NDST3: variants seen among roughly 807,000 people sequenced by gnomAD.
NDST3 encodes the protein bifunctional heparan sulfate N-deacetylase/N-sulfotransferase 3.
A neutral mutation model predicts 96.1 loss-of-function variants in NDST3; 58 were observed. The observed-to-expected ratio is 0.60, with a 90% CI of 0.49 to 0.75. NDST3 has a LOEUF of 0.75. Ranked by LOEUF, NDST3 falls within the 30% of genes least tolerant of loss-of-function variation. The pLI, the probability that NDST3 is intolerant of heterozygous loss-of-function variation, is 0.00. For synonymous variants in NDST3, 333 were observed against 359.7 expected, an observed-to-expected ratio of 0.93 and a Z score of 0.84; for missense variants, 788 against 1,034.2, an observed-to-expected ratio of 0.76 and a Z score of 3.27.
At chr4:118,157,022 A>G (rs1578740638) in intron 6 of NDST3, among the ~76,000 whole-genome samples, 2 of 152,188 alleles carry the variant, frequency 1.3e-5, no homozygotes, top group African/African-American at 4.8e-5. Context: ...TCAGTTATTC[A>G]TTACCGGATT....
chr4:118,163,971 A>G lies in NDST3; in HGVS notation c.1539+20287A>G, dbSNP rs569966737. Among the ~76,000 whole-genome samples the G allele has an allele frequency of 2.0e-5, 3 of 152,270 alleles. No individual in the cohort carries two copies. The South Asian group carries it at 6.2e-4, about 32-fold the overall frequency. ...TCAAACACCTAAAGACAGAACTACCATTTGATCCAGCAATCCCATTACTAG... is the reference window on the plus strand; with the variant it reads ...TCAAACACCTAAAGACAGAACTACCGTTTGATCCAGCAATCCCATTACTAG... On this transcript the variant is annotated intron_variant, in intron 6 of 13. Transcript: ENST00000296499.
chr4:118,148,491 C>A (rs1031404562), intron 6 of NDST3, among the ~76,000 whole-genome samples: 1 of 152,114 alleles, frequency 6.6e-6, no homozygotes. Flanking sequence ...ATACTTCCAC[C>A]ATACCCTACA....
chr4:118,081,604 A>AT (rs1262096497), intron 2 of NDST3, among the ~76,000 whole-genome samples: 1 of 152,170 alleles, frequency 6.6e-6, no homozygotes, highest in African/African-American at 2.4e-5. Flanking sequence ...AGCAGCATCC[A>AT]GAGGCAAAGG....
intron 13 of NDST3, among the ~76,000 whole-genome samples, chr4:118,254,549 T>C (rs1741994307): frequency 6.6e-6 from 1 of 152,132 alleles, no homozygotes; most frequent in South Asian, 2.1e-4. Context: ...ATACCCCACA[T>C]TTTTACTTTA....
intron 6 of NDST3, among the ~76,000 whole-genome samples, chr4:118,160,881 T>C (rs1735063924): frequency 6.6e-6 from 1 of 152,152 alleles, no homozygotes; most frequent in African/African-American, 2.4e-5. Context: ...GTCAAAGTCA[T>C]TCTCCGTCCA....
At chr4:118,228,211 ATACT>A (rs757623235) in intron 8 of NDST3, among the ~76,000 whole-genome samples, 8 of 152,356 alleles carry the variant, frequency 5.3e-5, no homozygotes, top group Admixed American at 1.3e-4. Context: ...AACATGACAA[ATACT>A]TACATTTTTC....
intron 6 of NDST3, among the ~76,000 whole-genome samples, chr4:118,183,014 C>CCAAACAAA (rs759383568): frequency 6.6e-6 from 1 of 152,094 alleles, no homozygotes; most frequent in Non-Finnish European, 1.5e-5. Flanking sequence ...ACTACTCATA[C>CCAAACAAA]CAAACAAACA....
At chr4:118,063,305 T>C (rs1726050723) in intron 2 of NDST3, among the ~76,000 whole-genome samples, 1 of 152,078 alleles carries the variant, frequency 6.6e-6, no homozygotes, top group Non-Finnish European at 1.5e-5. Context: ...CACACTGTAG[T>C]AGCAGAAGAA....
chr4:118,122,084 G>A (rs115256772), intron 4 of NDST3, among the ~76,000 whole-genome samples: 1,957 of 152,052 alleles, frequency 0.013, 35 homozygotes, highest in African/African-American at 0.044. Flanking sequence ...TAACTTAAAC[G>A]ATTTCATAAA....
chr4:118,083,723 T>G lies in NDST3; in HGVS notation c.982-21295T>G, dbSNP rs144556324. Among the ~76,000 whole-genome samples the G allele has an allele frequency of 6.6e-5, 10 of 152,274 alleles. No homozygotes were observed. The East Asian group carries it at 1.9e-3, about 29-fold the overall frequency. The stretch of plus-strand genomic sequence containing the variant: ...TGCTTTCATGTATTATTTCATTCCT[T>G]CTTAACAGCATTCTCATAAAGAATG... On this transcript the variant is annotated intron_variant, in intron 2 of 13. Transcript: ENST00000296499.
chr4:118,076,522 T>G (rs183113852), intron 2 of NDST3, among the ~76,000 whole-genome samples: 1 of 152,192 alleles, frequency 6.6e-6, no homozygotes, highest in Middle Eastern at 3.2e-3. Flanking sequence ...TTTATCTGAC[T>G]GAGTTAATTA....
chr4:118,250,489 T>TC (rs1741623040), intron 12 of NDST3, among the ~76,000 whole-genome samples: 1 of 145,378 alleles, frequency 6.9e-6, no homozygotes, highest in African/African-American at 2.5e-5. Flanking sequence ...GTTCCAATCT[T>TC]TTTTTTTTTT....
At chr4:118,183,897 A>G (rs190065766) in intron 6 of NDST3, among the ~76,000 whole-genome samples, 1 of 152,310 alleles carries the variant, frequency 6.6e-6, no homozygotes, top group African/African-American at 2.4e-5. Flanking sequence ...CACCTTGACT[A>G]AGTTTGGAAA....
intron 8 of NDST3, among the ~76,000 whole-genome samples, chr4:118,227,607 C>CTTTTTT (rs67330081): frequency 1.4e-4 from 15 of 106,116 alleles, no homozygotes; most frequent in African/African-American, 3.3e-4. Flanking sequence ...TCACCATAAA[C>CTTTTTT]TTTTTTTTTT....
intron 6 of NDST3, among the ~76,000 whole-genome samples, chr4:118,205,391 G>T (rs143038118): frequency 2.1e-5 from 3 of 144,462 alleles, no homozygotes; most frequent in African/African-American, 7.6e-5. Flanking sequence ...AAAACAGAAT[G>T]GAAATCTTCC....
chr4:118,117,459 G>A (rs1052629707), intron 4 of NDST3, among the ~76,000 whole-genome samples: 2 of 152,004 alleles, frequency 1.3e-5, no homozygotes, highest in Non-Finnish European at 2.9e-5. Flanking sequence ...TGTTTAATGT[G>A]AATTTTACCC....
At chr4:118,034,691 T>C (rs1724045936) in intron 1 of NDST3, 99 bp downstream of exon 1, 1 of 152,186 alleles carries the variant, frequency 6.6e-6, no homozygotes, top group Admixed American at 6.5e-5. Flanking sequence ...AATCTAAAAA[T>C]TTCAAGATTG....
At chr4:118,113,545 A>G (rs576692997) in intron 3 of NDST3, among the ~76,000 whole-genome samples, 1 of 152,298 alleles carries the variant, frequency 6.6e-6, no homozygotes, top group African/African-American at 2.4e-5. Flanking sequence ...AAGGTTTTCA[A>G]TGCCCACCAA....
At chr4:118,179,419 T>C (rs1736464035) in intron 6 of NDST3, among the ~76,000 whole-genome samples, 1 of 152,040 alleles carries the variant, frequency 6.6e-6, no homozygotes, top group Non-Finnish European at 1.5e-5. Context: ...TTTAATTAAA[T>C]TAGATCATAA....
Sources: gnomAD v4.1 joint callset for allele counts (sites outside exome capture counted in the v4.1 genomes callset) on GRCh38, gnomAD v4.1.1 for gene constraint, MANE v1.5 for transcripts, NCBI Gene and HGNC (gene_info 2026-07-23, HGNC 2026-07-21) for gene names.